The following ACTR3C variants were observed in gnomAD, a reference collection of about 807,000 sequenced individuals.
The protein encoded by ACTR3C is actin related protein 3C, also known as actin-related protein 3C.
A neutral mutation model predicts 26.3 loss-of-function variants in ACTR3C; 18 were observed. The ratio of observed to expected loss-of-function variants is 0.68; its 90% CI spans 0.47 to 1.01. The LOEUF (loss-of-function observed/expected upper bound fraction) is 1.01. Among genes scored for constraint, ACTR3C ranks in the 50% least tolerant of loss-of-function variants. ACTR3C has a pLI of 0.00. For missense variants in ACTR3C, 184 were observed against 250.7 expected, an observed-to-expected ratio of 0.73 and a Z score of 1.80; for synonymous variants, 55 against 94.5, an observed-to-expected ratio of 0.58 and a Z score of 2.42.
In ACTR3C at chr7:150,274,854, T is replaced by C. The variant is rs1031268232; in HGVS notation, c.564+9899A>G. Among the ~76,000 whole-genome samples, 1 of 152,228 alleles carries C rather than the reference T, an allele frequency of 6.6e-6. No homozygotes were observed. Among genetic ancestry groups the C allele is most frequent in the Admixed American group, 6.5e-5 (1 of 15,286 alleles). ...TAATTCAGAAAACAAAGTGATCCCT[T>C]ATCACTTTTGATACAGTGTGAGAAA... On this transcript the variant is annotated intron_variant, in intron 6 of 7. Coordinates refer to ENST00000683684, the MANE Select transcript of ACTR3C (RefSeq NM_001164458.2). This position sits in a 1 kb window ranked among gnomAD's most constrained non-coding sequence, Gnocchi z 4.1.
At chr7:150,203,666 A>G in the ACTR3C span, among the ~76,000 whole-genome samples, 1 of 152,152 alleles carries the variant, frequency 6.6e-6, no homozygotes, top group African/African-American at 2.4e-5. Context: ...CCCTGGTTCA[A>G]GGGATTCTCC....
At chr7:150,287,899 C>T (rs1354597136) in intron 4 of ACTR3C, among the ~76,000 whole-genome samples, 1 of 143,586 alleles carries the variant, frequency 7.0e-6, no homozygotes, top group Non-Finnish European at 1.5e-5. Context: ...AACTCAAATG[C>T]TTCCTAGGAA....
At chr7:149,957,632 C>T in the ACTR3C span, among the ~76,000 whole-genome samples, 72 of 152,204 alleles carry the variant, frequency 4.7e-4, no homozygotes, top group Non-Finnish European at 2.2e-4. Context: ...CCTTCAGGTT[C>T]CCTGGTTCTG....
At chr7:150,099,812 C>T in the ACTR3C span, among the ~76,000 whole-genome samples, 2 of 151,508 alleles carry the variant, frequency 1.3e-5, no homozygotes, top group African/African-American at 4.9e-5. Flanking sequence ...GACTTAAAGC[C>T]TGGAGTCCAT....
At chr7:150,033,776 C>T in the ACTR3C span, among the ~76,000 whole-genome samples, 17 of 113,978 alleles carry the variant, frequency 1.5e-4, no homozygotes, top group East Asian at 4.7e-4. Context: ...CCACCTCCTG[C>T]GATGGGGGTC....
chr7:150,092,171 G>A, the ACTR3C span, among the ~76,000 whole-genome samples: 1 of 145,450 alleles, frequency 6.9e-6, no homozygotes, highest in Non-Finnish European at 1.5e-5. Context: ...ATGTGGTAAT[G>A]AGAAAAGATT....
chr7:149,913,218 C>CA, the ACTR3C span, among the ~76,000 whole-genome samples: 59 of 152,188 alleles, frequency 3.9e-4, no homozygotes, highest in Admixed American at 6.5e-4. Flanking sequence ...CATCACAGCT[C>CA]AATGCCATGA....
chr7:150,070,512 A>G, the ACTR3C span, among the ~76,000 whole-genome samples: 2,791 of 152,208 alleles, frequency 0.018, 88 homozygotes, highest in African/African-American at 0.064. Flanking sequence ...GTGCGGTGGT[A>G]CTAACATGGC....
chr7:149,984,472 G>C, the ACTR3C span, among the ~76,000 whole-genome samples: 19,190 of 150,788 alleles, frequency 0.13, 2,308 homozygotes, highest in African/African-American at 0.31. Flanking sequence ...CCAAAATACT[G>C]GGATTAAAGG....
At chr7:150,186,700 G>A in the ACTR3C span, among the ~76,000 whole-genome samples, 5 of 152,092 alleles carry the variant, frequency 3.3e-5, no homozygotes, top group African/African-American at 1.2e-4. Context: ...TCCCATCATT[G>A]TGTGTGTTAG....
the ACTR3C span, among the ~76,000 whole-genome samples, chr7:150,226,144 C>G: frequency 6.6e-6 from 1 of 152,160 alleles, no homozygotes. Flanking sequence ...TGTGAATCAG[C>G]CTTCTGTAAA....
the ACTR3C span, among the ~76,000 whole-genome samples, chr7:149,907,562 T>A: frequency 6.6e-6 from 1 of 150,998 alleles, no homozygotes; most frequent in Admixed American, 6.6e-5. Context: ...CCCACCTCTT[T>A]GACATTTGTA....
the ACTR3C span, chr7:150,073,531 A>C: frequency 6.8e-6 from 1 of 148,006 alleles, no homozygotes; most frequent in South Asian, 2.2e-4. Flanking sequence ...GCTATGTTTA[A>C]TTTCCTTTAG....
At chr7:150,094,861 G>T in the ACTR3C span, among the ~76,000 whole-genome samples, 1 of 150,514 alleles carries the variant, frequency 6.6e-6, no homozygotes. Context: ...CTTGCAGCTC[G>T]TCCAACCGGA....
the ACTR3C span, among the ~76,000 whole-genome samples, chr7:149,907,478 T>TTCTCTCTCTCTCTCTCTCTCTC: frequency 1.3e-4 from 13 of 97,682 alleles, no homozygotes; most frequent in African/African-American, 3.6e-4. Context: ...CTCTCTTCTC[T>TTCTCTCTCTCTCTCTCTCTCTC]TCTCTCTCTC....
chr7:150,067,106 T>G, the ACTR3C span, among the ~76,000 whole-genome samples: 2 of 152,196 alleles, frequency 1.3e-5, no homozygotes, highest in African/African-American at 4.8e-5. Context: ...CACCTCTTCA[T>G]GAGGAGGATG....
the ACTR3C span, among the ~76,000 whole-genome samples, chr7:150,089,481 T>C: frequency 2.4e-4 from 36 of 152,122 alleles, no homozygotes; most frequent in African/African-American, 7.0e-4. Context: ...AGGAACAGAG[T>C]TGGGTCAAGG....
the ACTR3C span, among the ~76,000 whole-genome samples, chr7:149,962,604 A>C: frequency 2.6e-5 from 4 of 152,092 alleles, no homozygotes; most frequent in African/African-American, 9.7e-5. Flanking sequence ...CTCCCTGTAC[A>C]AGGAGCTGTG....
chr7:150,244,048 TGTA>T (rs1181915159), downstream of ACTR3C: 1 of 151,826 alleles, frequency 6.6e-6, no homozygotes, highest in African/African-American at 2.4e-5. Flanking sequence ...TTGTAGGTGA[TGTA>T]GTCATTCAGT....
Sources: gnomAD v4.1 joint callset for allele counts (sites outside exome capture counted in the v4.1 genomes callset) on GRCh38, gnomAD v4.1.1 for gene constraint, Gnocchi (gnomAD v3.1) non-coding constraint, MANE v1.5 for transcripts, NCBI Gene and HGNC (gene_info 2026-07-23, HGNC 2026-07-21) for gene names.